The following CDH12 variants were observed in gnomAD, a reference collection of about 807,000 sequenced individuals.
CDH12 encodes cadherin 12, also known as cadherin-12.
In CDH12, 41 loss-of-function variants were observed where a neutral mutation model predicts 74.1. The ratio of observed to expected loss-of-function variants is 0.55; its 90% CI spans 0.43 to 0.72. The LOEUF is 0.72. CDH12 is among the 30% of genes least tolerant of loss of function. CDH12 has a pLI of 0.00. For synonymous variants in CDH12, 399 were observed against 355.0 expected (o/e 1.12, Z -1.39); for missense variants, 945 against 977.2 (o/e 0.97, Z 0.44).
At chr5:22,646,377 G>T (rs1739432778) in intron 1 of CDH12, among the ~76,000 whole-genome samples, 1 of 151,696 alleles carries the variant, frequency 6.6e-6, no homozygotes, top group African/African-American at 2.4e-5. Context: ...TCAGCACTCA[G>T]GCATGAATTG....
intron 2 of CDH12, among the ~76,000 whole-genome samples, chr5:22,471,799 C>A (rs762768511): frequency 3.9e-5 from 6 of 152,164 alleles, no homozygotes; most frequent in Non-Finnish European, 7.4e-5. Flanking sequence ...TGACAGAACA[C>A]CCTAATCTCT....
chr5:22,437,637 T>C (rs1022122508), intron 2 of CDH12, among the ~76,000 whole-genome samples: 2 of 151,886 alleles, frequency 1.3e-5, no homozygotes, highest in Admixed American at 6.6e-5. Context: ...GGACCTGAAA[T>C]ATAAACATAA....
rs558278652 is a variant in CDH12, at chr5:22,649,843, C to G, written c.-522-144479G>C. 2.3e-4 allele frequency among the ~76,000 whole-genome samples: 35 copies of G among 152,008 alleles called. No individual in the cohort carries two copies. In the South Asian group the frequency reaches 7.3e-3, roughly 32 times the overall value. On this transcript the variant is annotated intron_variant, in intron 1 of 14. Transcript: ENST00000382254. ...GAGAACCTCAATTCTATACAAAAAA[C>G]ATGCACAACATTCACAACACCATCT...
intron 10 of CDH12, among the ~76,000 whole-genome samples, chr5:21,797,309 A>G (rs929287712): frequency 2.6e-5 from 4 of 152,158 alleles, no homozygotes; most frequent in African/African-American, 7.2e-5. Flanking sequence ...AAGGAAAACA[A>G]AACAAACAGC....
intron 1 of CDH12, among the ~76,000 whole-genome samples, chr5:22,839,884 T>G: frequency 6.6e-6 from 1 of 152,182 alleles, no homozygotes; most frequent in East Asian, 1.9e-4. Flanking sequence ...GAGGTAATTT[T>G]ACCTCTAATT....
intron 4 of CDH12, among the ~76,000 whole-genome samples, chr5:22,174,716 A>G (rs188849413): frequency 6.6e-6 from 1 of 152,152 alleles, no homozygotes; most frequent in African/African-American, 2.4e-5. Flanking sequence ...TACACTAAAA[A>G]GAGGGTATAT....
chr5:22,536,449 A>C (rs34107588), intron 1 of CDH12, among the ~76,000 whole-genome samples: 22,771 of 152,054 alleles, frequency 0.15, 2,297 homozygotes, highest in East Asian at 0.36. Context: ...TGATAGTGGT[A>C]GTGGTGGTGT....
intron 3 of CDH12, among the ~76,000 whole-genome samples, chr5:22,365,734 T>G (rs1220985216): frequency 2.0e-5 from 3 of 152,208 alleles, no homozygotes; most frequent in Non-Finnish European, 4.4e-5. Context: ...TTTGAACGAC[T>G]TCCCTCACCA....
chr5:22,467,640 G>A (rs1235604438), intron 2 of CDH12, among the ~76,000 whole-genome samples: 8 of 152,150 alleles, frequency 5.3e-5, no homozygotes, highest in Non-Finnish European at 8.8e-5. Context: ...CTGGCACATA[G>A]TAGTTGTTCA....
intron 4 of CDH12, among the ~76,000 whole-genome samples, chr5:22,111,380 T>C (rs1257303120): frequency 1.3e-5 from 2 of 152,178 alleles, no homozygotes; most frequent in East Asian, 1.9e-4. Flanking sequence ...ATGGATTATA[T>C]GTAGCTGCTT....
chr5:22,839,759 C>T (rs1737002042), intron 1 of CDH12, among the ~76,000 whole-genome samples: 1 of 152,152 alleles, frequency 6.6e-6, no homozygotes. Context: ...CATGTTTGTA[C>T]ACGTGCTTGT....
At chr5:22,612,160 C>T (rs367824179) in intron 1 of CDH12, among the ~76,000 whole-genome samples, 9 of 152,204 alleles carry the variant, frequency 5.9e-5, no homozygotes, top group Middle Eastern at 3.4e-3. Flanking sequence ...TCTTTCAATA[C>T]GCTGGTGAGC....
intron 3 of CDH12, among the ~76,000 whole-genome samples, chr5:22,284,966 T>C (rs1384738846): frequency 1.4e-5 from 2 of 140,416 alleles, no homozygotes; most frequent in Non-Finnish European, 3.1e-5. Context: ...AAAAAAAGCA[T>C]TGAGCAAAGT....
chr5:22,168,907 T>G (rs1390547395), intron 4 of CDH12, among the ~76,000 whole-genome samples: 3 of 148,770 alleles, frequency 2.0e-5, no homozygotes, highest in African/African-American at 7.4e-5. Flanking sequence ...CCTAGTGACC[T>G]CCCCTTGACA....
At chr5:22,091,271 G>A (rs1316334124) in intron 4 of CDH12, among the ~76,000 whole-genome samples, 1 of 148,796 alleles carries the variant, frequency 6.7e-6, no homozygotes, top group Non-Finnish European at 1.5e-5. Context: ...ATATTTGTGT[G>A]TGTGTTTGTG....
intron 3 of CDH12, among the ~76,000 whole-genome samples, chr5:22,242,413 G>A (rs894491313): frequency 1.3e-5 from 2 of 151,924 alleles, no homozygotes; most frequent in African/African-American, 2.4e-5. Context: ...TTTTAGCTAG[G>A]AGCAGGAATA....
intron 3 of CDH12, among the ~76,000 whole-genome samples, chr5:22,371,028 T>G (rs371957448): frequency 6.6e-6 from 1 of 152,116 alleles, no homozygotes; most frequent in Non-Finnish European, 1.5e-5. Flanking sequence ...ATAAAAAGAA[T>G]AGCAGTCTGT....
intron 1 of CDH12, among the ~76,000 whole-genome samples, chr5:22,651,354 A>AG (rs1396548481): frequency 6.6e-6 from 1 of 152,078 alleles, no homozygotes; most frequent in Non-Finnish European, 1.5e-5. Context: ...TTAAAAAGGA[A>AG]GGGGGAGGCT....
intron 4 of CDH12, among the ~76,000 whole-genome samples, chr5:22,122,039 T>A (rs75816092): frequency 6.6e-6 from 1 of 151,962 alleles, no homozygotes; most frequent in African/African-American, 2.4e-5. Context: ...AAAAAAAAAA[T>A]ACTTATTAGG....
Sources: allele counts gnomAD v4.1 joint callset (sites outside exome capture counted in the v4.1 genomes callset), GRCh38; gene constraint gnomAD v4.1.1; transcripts MANE v1.5; gene names NCBI Gene and HGNC (gene_info 2026-07-23, HGNC 2026-07-21).